The following ZFPM2 variants were observed in gnomAD, a reference collection of about 807,000 sequenced individuals.
ZFPM2 encodes the protein zinc finger protein ZFPM2.
In ZFPM2, 20 loss-of-function variants were observed where a neutral mutation model predicts 98.6. The observed-to-expected ratio is 0.20, with a 90% CI of 0.14 to 0.29. The LOEUF (loss-of-function observed/expected upper bound fraction) is 0.29, where lower values mean the gene tolerates loss of function less well. Ranked by LOEUF, ZFPM2 falls within the 10% of genes least tolerant of loss-of-function variation. The pLI, the probability that ZFPM2 is intolerant of heterozygous loss-of-function variation, is 1.00. For synonymous variants in ZFPM2, 518 were observed against 502.7 expected, an observed-to-expected ratio of 1.03 and a Z score of -0.41; for missense variants, 1,310 against 1,388.6, an observed-to-expected ratio of 0.94 and a Z score of 0.90.
chr8:105,734,173 CTGCATAAA>C (rs1219143785), intron 5 of ZFPM2, among the ~76,000 whole-genome samples: 3 of 151,888 alleles, frequency 2.0e-5, no homozygotes, highest in Non-Finnish European at 4.4e-5. Flanking sequence ...ATTATGTCTT[CTGCATAAA>C]TGCAAAAGAA....
intron 3 of ZFPM2, among the ~76,000 whole-genome samples, chr8:105,453,831 G>A (rs1812533763): frequency 1.3e-5 from 2 of 151,722 alleles, no homozygotes; most frequent in Admixed American, 1.3e-4. Flanking sequence ...CACCATGTCA[G>A]CCAGGCTAGT....
chr8:105,555,328 T>A (rs575007342), intron 3 of ZFPM2, among the ~76,000 whole-genome samples: 325 of 152,186 alleles, frequency 2.1e-3, no homozygotes, highest in Non-Finnish European at 3.7e-3. Flanking sequence ...ACATTTTTTA[T>A]TTTTTTATCC....
At chr8:105,476,079 T>A (rs1199870059) in intron 3 of ZFPM2, among the ~76,000 whole-genome samples, 1 of 152,202 alleles carries the variant, frequency 6.6e-6, no homozygotes, top group East Asian at 1.9e-4. Flanking sequence ...TGTCATAATA[T>A]TTATCCTGAA....
At chr8:105,463,598 CAAAT>C (rs766161055) in intron 3 of ZFPM2, among the ~76,000 whole-genome samples, 14 of 151,896 alleles carry the variant, frequency 9.2e-5, no homozygotes, top group East Asian at 3.9e-4. Flanking sequence ...AACAAACTAG[CAAAT>C]AAATAAATAG....
chr8:105,604,120 A>G (rs1384804510), intron 4 of ZFPM2, among the ~76,000 whole-genome samples: 1 of 152,006 alleles, frequency 6.6e-6, no homozygotes, highest in African/African-American at 2.4e-5. Flanking sequence ...TCAGAACTCC[A>G]AAACATACAC....
chr8:105,466,057 A>G (rs1186570877), intron 3 of ZFPM2, among the ~76,000 whole-genome samples: 1 of 152,050 alleles, frequency 6.6e-6, no homozygotes, highest in Non-Finnish European at 1.5e-5. Context: ...CTGATATTAA[A>G]GACAATGCCT....
chr8:105,562,419 T>C (rs191563854), intron 4 of ZFPM2, among the ~76,000 whole-genome samples: 130 of 152,314 alleles, frequency 8.5e-4, no homozygotes, highest in Admixed American at 3.1e-3. Context: ...ATAAGTTTGC[T>C]ATTCCTGCCT....
chr8:105,495,201 C>A (rs924720654), intron 3 of ZFPM2, among the ~76,000 whole-genome samples: 15 of 152,108 alleles, frequency 9.9e-5, no homozygotes, highest in South Asian at 2.1e-4. Flanking sequence ...TTTATGTGTC[C>A]CTCTTCTTCA....
chr8:105,561,413 C>G lies in ZFPM2; in HGVS notation c.352C>G (p.Gln118Glu). The G allele has an allele frequency of 6.2e-7, 1 of 1,613,542 alleles. No individual in the cohort carries two copies. The highest frequency in any genetic ancestry group is 1.1e-5 in the South Asian group (1 of 91,066). Residue 118 changes from glutamine to glutamate, a missense_variant, in exon 4 of 8, where the codon CAG becomes GAG. By Grantham distance (29) the Gln-to-Glu change is conservative. Coordinates refer to ENST00000407775, the MANE Select transcript of ZFPM2 (RefSeq NM_012082.4). ...KDGERKIQSRQQLPVGTTWGP... is the reference protein window; with the variant it reads ...KDGERKIQSREQLPVGTTWGP... Reference sequence around the variant, plus strand: ...TGGGGAACGAAAAATTCAGAGTCGACAGCAACTTCCAGTGGGAACAACCTG... The same window carrying G: ...TGGGGAACGAAAAATTCAGAGTCGAGAGCAACTTCCAGTGGGAACAACCTG...
chr8:105,575,391 G>C (rs922136797), intron 4 of ZFPM2, among the ~76,000 whole-genome samples: 1 of 152,122 alleles, frequency 6.6e-6, no homozygotes, highest in African/African-American at 2.4e-5. Flanking sequence ...ATGCAGGTCT[G>C]TATCAGCCTG....
intron 5 of ZFPM2, among the ~76,000 whole-genome samples, chr8:105,774,970 A>G (rs1813064813): frequency 6.6e-6 from 1 of 151,736 alleles, no homozygotes; most frequent in African/African-American, 2.4e-5. Flanking sequence ...CCTGCCAGCT[A>G]CTTAGCACTT....
chr8:105,414,485 A>G (rs746241493), intron 1 of ZFPM2, among the ~76,000 whole-genome samples: 2 of 151,986 alleles, frequency 1.3e-5, no homozygotes, highest in Non-Finnish European at 2.9e-5. Flanking sequence ...AGACATATGT[A>G]TTTGACTTAA....
chr8:105,484,539 C>T (rs1813190713), intron 3 of ZFPM2, among the ~76,000 whole-genome samples: 1 of 152,046 alleles, frequency 6.6e-6, no homozygotes, highest in African/African-American at 2.4e-5. Context: ...TAATTTTAAT[C>T]AGTTTCCTCA....
At chr8:105,482,878 TTTCCTTCC>T (rs370906130) in intron 3 of ZFPM2, among the ~76,000 whole-genome samples, 1 of 151,588 alleles carries the variant, frequency 6.6e-6, no homozygotes, top group Non-Finnish European at 1.5e-5. Flanking sequence ...TTAATCTTTC[TTTCCTTCC>T]TTCCTTCCTT....
intron 3 of ZFPM2, among the ~76,000 whole-genome samples, chr8:105,554,655 C>T (rs188543945): frequency 4.9e-4 from 75 of 152,206 alleles, no homozygotes; most frequent in African/African-American, 1.7e-3. Context: ...CAAACCAATC[C>T]GAATTGTATT....
intron 5 of ZFPM2, among the ~76,000 whole-genome samples, chr8:105,738,844 A>G (rs1812150387): frequency 6.6e-6 from 1 of 152,022 alleles, no homozygotes; most frequent in African/African-American, 2.4e-5. Flanking sequence ...CAATGCAAAT[A>G]TAGATTTTGA....
At chr8:105,547,416 C>T (rs912459786) in intron 3 of ZFPM2, among the ~76,000 whole-genome samples, 23 of 151,608 alleles carry the variant, frequency 1.5e-4, no homozygotes, top group African/African-American at 5.1e-4. Context: ...GTGGTGGGCA[C>T]CTGTAATCCC....
At chr8:105,389,516 A>G (rs190184565) in intron 1 of ZFPM2, among the ~76,000 whole-genome samples, 1 of 152,240 alleles carries the variant, frequency 6.6e-6, no homozygotes, top group East Asian at 1.9e-4. Flanking sequence ...GGTAGATCCA[A>G]AGTTGCTTTT....
At chr8:105,339,734 A>G (rs1405610057) in intron 1 of ZFPM2, among the ~76,000 whole-genome samples, 4 of 151,940 alleles carry the variant, frequency 2.6e-5, no homozygotes, top group Non-Finnish European at 1.5e-5. Context: ...CTGCTGAGCT[A>G]CTGAATGGTG....
Sources: gnomAD v4.1 joint callset for allele counts (sites outside exome capture counted in the v4.1 genomes callset) on GRCh38, gnomAD v4.1.1 for gene constraint, MANE v1.5 for transcripts, NCBI Gene and HGNC (gene_info 2026-07-23, HGNC 2026-07-21) for gene names.